The following DNMBP variants were observed in gnomAD, a reference collection of about 807,000 sequenced individuals.
The protein encoded by DNMBP is dynamin binding protein, also known as dynamin-binding protein.
In DNMBP, 87 loss-of-function variants were observed where a neutral mutation model predicts 150.0. That is an observed-to-expected ratio of 0.58 (90% confidence interval 0.49 to 0.69). The LOEUF (loss-of-function observed/expected upper bound fraction) is 0.69, where lower values mean the gene tolerates loss of function less well. DNMBP is among the 30% of genes least tolerant of loss of function. The probability of loss-of-function intolerance (pLI) is 0.00; values close to 1 mark genes in which losing one functional copy is unlikely to be tolerated. For missense variants in DNMBP, 1,774 were observed against 1,949.0 expected, an observed-to-expected ratio of 0.91 and a Z score of 1.69; for synonymous variants, 711 against 750.4, an observed-to-expected ratio of 0.95 and a Z score of 0.86.
At chr10:99,952,236 C>T (rs1229365913) in intron 4 of DNMBP, among the ~76,000 whole-genome samples, 1 of 152,164 alleles carries the variant, frequency 6.6e-6, no homozygotes, top group Non-Finnish European at 1.5e-5. Context: ...GTAAATTGCC[C>T]AGTATCTGGT....
At position 99,935,116 on chromosome 10, in the gene DNMBP, A is replaced by G. The variant is rs551954737; in HGVS notation, c.2260+20098T>C. 4.6e-5 allele frequency among the ~76,000 whole-genome samples: 7 copies of G among 151,392 alleles called. No individual in the cohort carries two copies. The East Asian group carries it at 1.2e-3, about 25-fold the overall frequency. Reference sequence around the variant, plus strand: ...AAAAAAAAAAAAAAAAAAAAAAAGAAAAGAAAAAGGGAAGAAATATTTTGA... The same window carrying G: ...AAAAAAAAAAAAAAAAAAAAAAAGAGAAGAAAAAGGGAAGAAATATTTTGA... On this transcript the variant is annotated intron_variant, in intron 4 of 16. Transcript: ENST00000324109.
intron 15 of DNMBP, among the ~76,000 whole-genome samples, chr10:99,883,638 CAAAAAAAAAAAAAAAAA>C (rs71009782): frequency 1.5e-4 from 10 of 65,586 alleles, no homozygotes; most frequent in African/African-American, 5.0e-4. Flanking sequence ...AAGACTGCCA[CAAAAAAAAAAAAAAAAA>C]AAAAAAAAAA....
chr10:99,904,166 G>A (rs1564726114), intron 6 of DNMBP, among the ~76,000 whole-genome samples: 1 of 152,058 alleles, frequency 6.6e-6, no homozygotes, highest in Non-Finnish European at 1.5e-5. Context: ...GAGGTGGGAG[G>A]ATCGCTTGAG....
intron 4 of DNMBP, among the ~76,000 whole-genome samples, chr10:99,938,962 C>T (rs1043771299): frequency 4.6e-5 from 7 of 152,164 alleles, no homozygotes; most frequent in Admixed American, 4.6e-4. Flanking sequence ...TTGCTATTTG[C>T]TCCTAGTGGG....
At chr10:99,891,858 G>A (rs1259315232) in intron 11 of DNMBP, among the ~76,000 whole-genome samples, 2 of 151,112 alleles carry the variant, frequency 1.3e-5, no homozygotes, top group Admixed American at 6.6e-5. Context: ...GCCTCTGCCC[G>A]GCCACGACCC....
chr10:99,885,050 T>TA (rs2039435731), intron 14 of DNMBP, among the ~76,000 whole-genome samples: 2 of 152,098 alleles, frequency 1.3e-5, no homozygotes, highest in Admixed American at 6.6e-5. Flanking sequence ...GAACTGAGGT[T>TA]AAAAAAGACT....
rs186197943 is a variant in DNMBP at position 99,939,904 on chromosome 10, G to A, written c.2260+15310C>T. On this transcript the variant is annotated intron_variant, in intron 4 of 16. Transcript: ENST00000324109. The stretch of plus-strand genomic sequence containing the variant: ...CCACCCAGAAAGGGACTTGGTACAG[G>A]AGGACCACTGTCCACATCCCTATGG... Among the ~76,000 whole-genome samples the A allele has an allele frequency of 4.8e-3, 732 of 152,288 alleles. 5 individuals carry two copies. Among genetic ancestry groups the A allele is most frequent in the African/African-American group, 0.016 (659 of 41,562 alleles).
chr10:99,968,718 A>G (rs2040645420), intron 3 of DNMBP, among the ~76,000 whole-genome samples: 1 of 151,130 alleles, frequency 6.6e-6, no homozygotes, highest in South Asian at 2.1e-4. Flanking sequence ...GAGAGAGAGC[A>G]TGAGCCTGAA....
rs754184398 is a variant in DNMBP, at chr10:99,956,350, T to G, written c.1124A>C (p.Tyr375Ser). 7 of 1,613,922 alleles carry G rather than the reference T, an allele frequency of 4.3e-6. No homozygotes were observed. The South Asian group carries it at 7.7e-5, about 18-fold the overall frequency. Reference sequence around the variant, plus strand: ...CCCTCCTGCGGTGTCCTCGTCCTGATAAGAGTTTCTGTCTGTGTCATACTC... The same window carrying G: ...CCCTCCTGCGGTGTCCTCGTCCTGAGAAGAGTTTCTGTCTGTGTCATACTC... ...TSEYDTDRNS[Y>S]QDEDTAGGPP... is the part of the protein sequence containing the mutation. The change falls in exon 4 of 17, where the codon TAT becomes TCT. Residue 375 changes from tyrosine to serine, a missense_variant. Physicochemically the swap from Tyr to Ser is moderately radical, Grantham distance 144 (BLOSUM62 -2). Around this residue, in one of 2 missense-constraint regions of DNMBP, gnomAD observed 1,430 missense variants for 1,492.5 expected, o/e 0.96. Transcript: ENST00000324109.
intron 11 of DNMBP, among the ~76,000 whole-genome samples, chr10:99,892,263 A>G (rs1304514681): frequency 1.3e-5 from 2 of 149,222 alleles, no homozygotes; most frequent in African/African-American, 5.0e-5. Flanking sequence ...GGTGTGCCCA[A>G]CAGCTCATTG....
At chr10:99,961,435 T>C (rs777404371) in intron 3 of DNMBP, among the ~76,000 whole-genome samples, 6,070 of 142,770 alleles carry the variant, frequency 0.043, 115 homozygotes, top group African/African-American at 0.061. Flanking sequence ...CCACCATACC[T>C]AATTTTTATT....
At chr10:99,912,712 AAGG>A (rs1397269409) in intron 4 of DNMBP, among the ~76,000 whole-genome samples, 1 of 151,916 alleles carries the variant, frequency 6.6e-6, no homozygotes, top group Non-Finnish European at 1.5e-5. Flanking sequence ...TCTCTCTTTA[AAGG>A]AGGGGGTTGT....
In DNMBP at chr10:99,877,250, A is replaced by G. The variant is rs2039290465; in HGVS notation, c.4635T>C (p.Phe1545=). The G allele has an allele frequency of 6.2e-7, 1 of 1,613,992 alleles. No individual in the cohort carries two copies. The highest frequency in any genetic ancestry group is 1.3e-5 in the African/African-American group (1 of 75,018). The change falls in exon 17 of 17, where the codon TTT becomes TTC. Residue 1545 remains phenylalanine, a synonymous_variant. Transcript: ENST00000324109. ...SANQKLKILE[F]KDVTGNTEWW... ...ACTCTGTATTTCCTGTAACATCTTT[A>G]AACTCGAGGATCTTGAGTTTCTGAT...
intron 1 of DNMBP, among the ~76,000 whole-genome samples, chr10:99,996,530 A>T (rs1016784305): frequency 1.3e-5 from 2 of 152,248 alleles, no homozygotes; most frequent in Non-Finnish European, 2.9e-5. Context: ...AATTAAAAAA[A>T]TAAAATTCAA....
chr10:99,988,631 A>G (rs2133374182), intron 1 of DNMBP, among the ~76,000 whole-genome samples: 1 of 152,198 alleles, frequency 6.6e-6, no homozygotes, highest in East Asian at 1.9e-4. Context: ...CAATATCTTG[A>G]TATCTCTGAC....
At chr10:99,922,527 T>TAAAAAAA (rs71009788) in intron 4 of DNMBP, among the ~76,000 whole-genome samples, 2 of 78,966 alleles carry the variant, frequency 2.5e-5, no homozygotes, top group African/African-American at 5.3e-5. Context: ...TTTTTTTTCT[T>TAAAAAAA]AAAAAAAAAA....
In DNMBP at chr10:99,880,333, G is replaced by GA; in HGVS notation, c.4025dup (p.Leu1343ProfsTer17). On this transcript the variant is annotated frameshift_variant, in exon 16 of 17. Transcript: ENST00000324109. LOFTEE classifies it high-confidence loss of function. ...TGCGGCGAGGATTGTAGGGCTTTAG[G>GA]AAAGAGCTGTACACGAAGCCTTTGG... 1 of 1,605,208 alleles carries GA rather than the reference G, an allele frequency of 6.2e-7. No homozygotes were observed. The highest frequency in any genetic ancestry group is 8.5e-7 in the Non-Finnish European group (1 of 1,176,298).
At position 99,956,928 on chromosome 10, in the gene DNMBP, C is replaced by G; in HGVS notation, c.546G>C (p.Trp182Cys). ...ITIIGVPEPGWFEGELEGRRG... is the reference protein window; with the variant it reads ...ITIIGVPEPGCFEGELEGRRG... Reference sequence around the variant, plus strand: ...TTCGGCCCTCTAACTCCCCTTCAAACCAGCCTGGTTCAGGAACTCCAATAA... The same window carrying G: ...TTCGGCCCTCTAACTCCCCTTCAAAGCAGCCTGGTTCAGGAACTCCAATAA... Residue 182 changes from tryptophan to cysteine, a missense_variant, in exon 4 of 17, where the codon TGG (tryptophan) becomes TGC (cysteine). Around this residue, in one of 2 missense-constraint regions of DNMBP, gnomAD observed 344 missense variants for 456.6 expected, o/e 0.75. Coordinates refer to ENST00000324109, the MANE Select transcript of DNMBP (RefSeq NM_015221.4). The G allele has an allele frequency of 6.2e-7, 1 of 1,614,224 alleles. No homozygotes were observed. The highest frequency in any genetic ancestry group is 8.5e-7 in the Non-Finnish European group (1 of 1,180,044).
At chr10:99,999,241 G>A (rs529700430) in intron 1 of DNMBP, among the ~76,000 whole-genome samples, 7 of 152,342 alleles carry the variant, frequency 4.6e-5, no homozygotes, top group Admixed American at 1.3e-4. Context: ...ATGGCAAGAC[G>A]GTTGAGAGCA....
Sources: allele counts gnomAD v4.1 joint callset (sites outside exome capture counted in the v4.1 genomes callset), GRCh38; gene constraint gnomAD v4.1.1; regional missense constraint gnomAD v4.1.1; transcripts MANE v1.5; gene names NCBI Gene and HGNC (gene_info 2026-07-23, HGNC 2026-07-21).